Variants in PEPD observed in about 807,000 individuals in gnomAD.
PEPD encodes xaa-Pro dipeptidase.
A neutral mutation model predicts 60.7 loss-of-function variants in PEPD; 53 were observed. The observed-to-expected ratio is 0.87, with a 90% confidence interval of 0.70 to 1.10. PEPD has a LOEUF of 1.10. Ranked by LOEUF, PEPD falls within the 50% of genes least tolerant of loss-of-function variation. The pLI is 0.00. For synonymous variants in PEPD, 267 were observed against 284.1 expected (o/e 0.94, Z 0.60); for missense variants, 711 against 711.9 (o/e 1.00, Z 0.01).
At chr19:33,452,559 T>C (rs1227958260) in intron 9 of PEPD, among the ~76,000 whole-genome samples, 2 of 151,618 alleles carry the variant, frequency 1.3e-5, no homozygotes. Flanking sequence ...TTATAATCCA[T>C]AGAGAAAAAA....
At chr19:33,419,432 C>T (rs992798165) in intron 9 of PEPD, among the ~76,000 whole-genome samples, 3 of 152,246 alleles carry the variant, frequency 2.0e-5, no homozygotes, top group Non-Finnish European at 4.4e-5. Context: ...AGCATGATAA[C>T]AACCCTTTGG....
rs201089253 is a variant in PEPD at position 33,391,368 on chromosome 19, C to T, written c.1079G>A (p.Gly360Glu). The change falls in exon 13 of 15, where the codon GGG (glycine) becomes GAG (glutamate). Residue 360 changes from glycine to glutamate, a missense_variant. Transcript: ENST00000244137. Reference sequence around the variant, plus strand: ...AAGCCCGTGAGGCATAAACACGGCCCCCAGGTGAGCCTGGACCATGGCGTC... The same window carrying T: ...AAGCCCGTGAGGCATAAACACGGCCTCCAGGTGAGCCTGGACCATGGCGTC... ...SVDAMVQAHLGAVFMPHGLGH... is the reference protein window; with the variant it reads ...SVDAMVQAHLEAVFMPHGLGH... The T allele has an allele frequency of 1.9e-4, 303 of 1,608,724 alleles. No individual in the cohort carries two copies. Among genetic ancestry groups the T allele is most frequent in the Non-Finnish European group, 2.5e-4 (291 of 1,178,020 alleles).
intron 1 of PEPD, among the ~76,000 whole-genome samples, chr19:33,516,742 C>A (rs1369248121): frequency 1.3e-5 from 2 of 152,126 alleles, no homozygotes; most frequent in African/African-American, 4.8e-5. Context: ...TTTTCTCTAA[C>A]CTCCAATTCG....
At position 33,482,761 on chromosome 19, in the gene PEPD, G is replaced by A. The variant is rs558936265; in HGVS notation, c.504-4671C>T. ...CAGCCAAAAGTTGGAAGCAACCCAG[G>A]TGTCCACCAACTGATGAATGGACAA... On this transcript the variant is annotated intron_variant, in intron 6 of 14. Transcript: ENST00000244137. Among the ~76,000 whole-genome samples the A allele has an allele frequency of 1.2e-4, 19 of 152,288 alleles. No homozygotes were observed. The Middle Eastern group carries it at 0.014, about 109-fold the overall frequency.
intron 13 of PEPD, among the ~76,000 whole-genome samples, chr19:33,389,363 G>A: frequency 6.6e-6 from 1 of 152,238 alleles, no homozygotes; most frequent in East Asian, 1.9e-4. Flanking sequence ...CGTATGGAGT[G>A]ACAGTCCCTC....
chr19:33,476,142 A>C (rs2145294370), intron 7 of PEPD, among the ~76,000 whole-genome samples: 1 of 152,334 alleles, frequency 6.6e-6, no homozygotes, highest in East Asian at 1.9e-4. Flanking sequence ...CTGGGATTAC[A>C]GGCGTGAGCC....
rs1263234162 is a variant in PEPD at position 33,511,072 on chromosome 19, C to G, written c.285G>C (p.Leu95=). 1.2e-6 allele frequency: 2 copies of G among 1,613,990 alleles called. No individual in the cohort carries two copies. Among genetic ancestry groups the G allele is most frequent in the Non-Finnish European group, 1.7e-6 (2 of 1,179,946 alleles). The stretch of plus-strand genomic sequence containing the variant: ...GGCTGGCAGGAAGCCTGGGCACAAA[C>G]AGGGTCGACTTCCCAGTGTCAACAT... The part of the protein sequence containing the change: ...VIDVDTGKST[L]FVPRLPASHA... Residue 95 remains leucine, a synonymous_variant, in exon 3 of 15, where the codon CTG becomes CTC. Transcript: ENST00000244137.
intron 7 of PEPD, among the ~76,000 whole-genome samples, chr19:33,475,166 G>C (rs11673682): frequency 0.075 from 11,378 of 152,076 alleles, 525 homozygotes; most frequent in Non-Finnish European, 0.11. Flanking sequence ...GTGACTTCCT[G>C]AGCAGGGAGG....
intron 11 of PEPD, among the ~76,000 whole-genome samples, chr19:33,407,263 G>A (rs1400476127): frequency 6.6e-6 from 1 of 152,244 alleles, no homozygotes; most frequent in East Asian, 1.9e-4. Context: ...CAGGACCTGG[G>A]GCGGCCTCAG....
chr19:33,479,688 T>G (rs1970280412), intron 6 of PEPD, among the ~76,000 whole-genome samples: 1 of 152,254 alleles, frequency 6.6e-6, no homozygotes. Flanking sequence ...TTTCTGTTCC[T>G]GCATTAGTTT....
chr19:33,449,883 C>A (rs995482032), intron 9 of PEPD, among the ~76,000 whole-genome samples: 11 of 152,164 alleles, frequency 7.2e-5, no homozygotes, highest in African/African-American at 2.7e-4. Context: ...AATTATATCA[C>A]AGGTCTCAGG....
At chr19:33,412,273 G>A (rs771695757) in intron 10 of PEPD, among the ~76,000 whole-genome samples, 74 of 152,306 alleles carry the variant, frequency 4.9e-4, no homozygotes, top group Non-Finnish European at 9.6e-4. Context: ...CCTGAGCCTG[G>A]GAAGTGGAGA....
intron 6 of PEPD, among the ~76,000 whole-genome samples, chr19:33,484,821 C>G (rs17834095): frequency 6.6e-6 from 1 of 152,088 alleles, no homozygotes; most frequent in Non-Finnish European, 1.5e-5. Context: ...CAGACACACA[C>G]GGAAGAATCC....
chr19:33,508,297 C>T (rs1399139733), intron 3 of PEPD, among the ~76,000 whole-genome samples: 2 of 152,196 alleles, frequency 1.3e-5, no homozygotes, highest in African/African-American at 2.4e-5. Context: ...GGCCCTCGCT[C>T]GTCCTGAGTC....
At chr19:33,458,372 T>C (rs950414871) in intron 9 of PEPD, among the ~76,000 whole-genome samples, 18 of 149,602 alleles carry the variant, frequency 1.2e-4, no homozygotes, top group Non-Finnish European at 2.2e-4. Context: ...GTGTGGTATG[T>C]AGGTGTGTGT....
At chr19:33,471,529 C>A (rs988950896) in intron 7 of PEPD, among the ~76,000 whole-genome samples, 2 of 152,192 alleles carry the variant, frequency 1.3e-5, no homozygotes, top group Non-Finnish European at 2.9e-5. Context: ...GTGGGTCCAC[C>A]GGCCCCTGGA....
intron 9 of PEPD, among the ~76,000 whole-genome samples, chr19:33,453,038 A>C (rs943033044): frequency 1.3e-5 from 2 of 152,176 alleles, no homozygotes; most frequent in African/African-American, 4.8e-5. Context: ...AATAACAACA[A>C]TGGCCAGGCA....
At chr19:33,441,149 G>T (rs1473247139) in intron 9 of PEPD, among the ~76,000 whole-genome samples, 1 of 152,224 alleles carries the variant, frequency 6.6e-6, no homozygotes, top group Non-Finnish European at 1.5e-5. Flanking sequence ...ATCCTGAAGG[G>T]ATGATGAGCC....
At chr19:33,426,747 A>C (rs1455709612) in intron 9 of PEPD, among the ~76,000 whole-genome samples, 1 of 151,364 alleles carries the variant, frequency 6.6e-6, no homozygotes, top group Non-Finnish European at 1.5e-5. Context: ...TCACTGAGGA[A>C]ACAGGAGGAG....
Sources: gnomAD v4.1 joint callset for allele counts (sites outside exome capture counted in the v4.1 genomes callset) on GRCh38, gnomAD v4.1.1 for gene constraint, MANE v1.5 for transcripts, NCBI Gene and HGNC (gene_info 2026-07-23, HGNC 2026-07-21) for gene names.